The following FER1L5 variants were observed in gnomAD, a reference collection of about 807,000 sequenced individuals.
FER1L5 encodes fer-1-like protein 5.
In FER1L5, 187 loss-of-function variants were observed where a neutral mutation model predicts 279.9. The observed-to-expected ratio is 0.67, with a 90% CI of 0.59 to 0.75. FER1L5 has a LOEUF of 0.75. FER1L5 is among the 30% of genes least tolerant of loss of function. The probability of loss-of-function intolerance (pLI) is 0.00; values close to 1 mark genes in which losing one functional copy is unlikely to be tolerated. For synonymous variants in FER1L5, 921 were observed against 989.7 expected (o/e 0.93, Z 1.30); for missense variants, 2,091 against 2,594.4 (o/e 0.81, Z 4.21).
At chr2:96,678,519 G>C (rs1386306564) in intron 19 of FER1L5, among the ~76,000 whole-genome samples, 1 of 151,920 alleles carries the variant, frequency 6.6e-6, no homozygotes, top group East Asian at 1.9e-4. Flanking sequence ...ATGGCAACCT[G>C]TGCTTCCAGG....
chr2:96,677,230 G>A (rs1336574806), intron 19 of FER1L5, among the ~76,000 whole-genome samples: 1 of 152,204 alleles, frequency 6.6e-6, no homozygotes, highest in Non-Finnish European at 1.5e-5. Flanking sequence ...TATTTTGTTA[G>A]TAATCTATTT....
intron 18 of FER1L5, among the ~76,000 whole-genome samples, chr2:96,671,594 C>A (rs1032544550): frequency 6.6e-6 from 1 of 152,188 alleles, no homozygotes; most frequent in Non-Finnish European, 1.5e-5. Context: ...GCTCTGGAGC[C>A]TACTAGACAC....
Position 96,689,773 on chromosome 2 carries a change from A to C in FER1L5, c.2640+15A>C. 6.5e-7 allele frequency: 1 copy of C among 1,537,054 alleles called. No individual in the cohort carries two copies. The highest frequency in any genetic ancestry group is 8.8e-7 in the Non-Finnish European group (1 of 1,140,530). On this transcript the variant is annotated intron_variant, in intron 26 of 52. Transcript: ENST00000624922. This position sits in a 1 kb window ranked among gnomAD's most constrained non-coding sequence, Gnocchi z 4.6. ...ACACAGACGTGGTGAGCAGGGCCGA[A>C]GCTGCCTCGGGTTAGGGGGCAAGCA...
intron 39 of FER1L5, 64 bp downstream of exon 39, chr2:96,697,825 G>A: frequency 6.4e-7 from 1 of 1,573,920 alleles, no homozygotes; most frequent in Non-Finnish European, 8.7e-7. Flanking sequence ...AGCAGAGCTA[G>A]CCTTGATTCC....
intron 45 of FER1L5, among the ~76,000 whole-genome samples, chr2:96,700,902 C>T (rs1277995680): frequency 2.6e-5 from 4 of 152,236 alleles, no homozygotes; most frequent in Non-Finnish European, 5.9e-5. Flanking sequence ...AATCCCCAAA[C>T]GCACCTAATT....
chr2:96,659,385 C>CTTTCTTTCTTTCT, intron 9 of FER1L5, among the ~76,000 whole-genome samples: 1 of 10,208 alleles, frequency 9.8e-5, no homozygotes, highest in African/African-American at 7.6e-4. Flanking sequence ...TTCTTTCTTT[C>CTTTCTTTCTTTCT]TTTCTTTCTT....
In FER1L5 at chr2:96,698,228, C is replaced by A; in HGVS notation, c.4356+72C>A. The A allele has an allele frequency of 6.6e-7, 1 of 1,503,978 alleles. No individual in the cohort carries two copies. The highest frequency in any genetic ancestry group is 8.9e-7 in the Non-Finnish European group (1 of 1,121,036). 93.2% of individuals were successfully genotyped at this position (1,503,978 alleles called of 1,614,324 possible). A position where few individuals can be genotyped will look rare whatever the true frequency, so the allele number is the denominator to read the frequency against. ...TCTGTCCCTGGAAAACGAATAAAAG[C>A]CCTGGCTCTATATGCTCATTGTGAA... On this transcript the variant is annotated intron_variant, in intron 40 of 52. Transcript: ENST00000624922. This position sits in a 1 kb window ranked among gnomAD's most constrained non-coding sequence, Gnocchi z 5.5.
chr2:96,662,170 G>C (rs563210347), intron 12 of FER1L5, 45 bp from the exon 13 acceptor site: 2 of 1,545,166 alleles, frequency 1.3e-6, no homozygotes, highest in East Asian at 2.4e-5. Flanking sequence ...TCCTCCTCCT[G>C]AAAAATGCTG....
intron 19 of FER1L5, among the ~76,000 whole-genome samples, chr2:96,674,316 G>A (rs1288642176): frequency 2.6e-5 from 4 of 152,044 alleles, no homozygotes; most frequent in South Asian, 2.1e-4. Context: ...TCCGCCTCCC[G>A]GGTTCAAGCG....
At chr2:96,659,416 T>TCCTTC (rs1193138247) in intron 9 of FER1L5, among the ~76,000 whole-genome samples, 27 of 6,882 alleles carry the variant, frequency 3.9e-3, no homozygotes, top group Non-Finnish European at 5.8e-3. Context: ...TTTCTTTCTT[T>TCCTTC]CTTTCTTTCT....
At position 96,647,044 on chromosome 2, in the gene FER1L5, C is replaced by A; in HGVS notation, c.139-20C>A. The A allele has an allele frequency of 6.4e-7, 1 of 1,550,650 alleles. No homozygotes were observed. Among genetic ancestry groups the A allele is most frequent in the Non-Finnish European group, 8.7e-7 (1 of 1,146,234 alleles). On this transcript the variant is annotated intron_variant, in intron 2 of 52. Coordinates refer to ENST00000624922, the MANE Select transcript of FER1L5 (RefSeq NM_001293083.2). ...GGGAAGGGCAGAGGGAGGATGCTGA[C>A]CTCTCTATGCCCCCCACAGACCCTA... is the stretch of plus-strand genomic sequence containing the variant.
intron 1 of FER1L5, among the ~76,000 whole-genome samples, chr2:96,645,601 G>A (rs1260249956): frequency 6.6e-6 from 1 of 152,102 alleles, no homozygotes; most frequent in African/African-American, 2.4e-5. Context: ...CAGCCTGGGT[G>A]ACATGGTAAA....
intron 10 of FER1L5, 94 bp downstream of exon 10, chr2:96,660,465 GTGGAGGGGAGTATTAGA>G: frequency 9.5e-7 from 1 of 1,054,170 alleles, no homozygotes; most frequent in Non-Finnish European, 1.4e-6. Context: ...CAACACATGG[GTGGAGGGGAGTATTAGA>G]GATTGTAAAT....
chr2:96,668,542 C>A (rs1179602451), intron 14 of FER1L5, among the ~76,000 whole-genome samples: 2 of 152,052 alleles, frequency 1.3e-5, no homozygotes, highest in Admixed American at 1.3e-4. Flanking sequence ...TGAAACAAAA[C>A]AAAGCAAACC....
At chr2:96,700,183 C>T (rs998277083) in intron 44 of FER1L5, 103 bp downstream of exon 44, 35 of 1,556,758 alleles carry the variant, frequency 2.2e-5, no homozygotes, top group Middle Eastern at 3.4e-4. Context: ...AAGGGGAGGA[C>T]AAGGAAAGAG....
intron 26 of FER1L5, 39 bp from the exon 27 acceptor site, chr2:96,690,448 C>T (rs1241343604): frequency 6.5e-7 from 1 of 1,535,972 alleles, no homozygotes; most frequent in African/African-American, 1.4e-5. Flanking sequence ...CTCCTCCCAG[C>T]TCATGTGCCC....
At position 96,695,760 on chromosome 2, in the gene FER1L5, G is replaced by T. The variant is rs2077351588; in HGVS notation, c.3913G>T (p.Ala1305Ser). 1 of 1,612,752 alleles carries T rather than the reference G, an allele frequency of 6.2e-7. No individual in the cohort carries two copies. Among genetic ancestry groups the T allele is most frequent in the Non-Finnish European group, 8.5e-7 (1 of 1,179,422 alleles). Residue 1305 changes from alanine to serine, a missense_variant, in exon 36 of 53, where the codon GCC (alanine) becomes TCC (serine). By Grantham distance (99) the Ala-to-Ser change is moderately conservative. Transcript: ENST00000624922. ...VLTVLMPTEEAYALPLVVKVV... is the reference protein window; with the variant it reads ...VLTVLMPTEESYALPLVVKVV... ...ATTGCAGCTCATGCCGACGGAGGAG[G>T]CCTATGCACTGCCCCTCGTGGTGAA...
intron 9 of FER1L5, among the ~76,000 whole-genome samples, chr2:96,659,353 C>A (rs201233467): frequency 1.4e-5 from 1 of 71,054 alleles, no homozygotes; most frequent in African/African-American, 5.5e-5. Context: ...TTCCTTCCTT[C>A]CTTCCTTCCT....
At position 96,653,807 on chromosome 2, in the gene FER1L5, G is replaced by C. The variant is rs538242798; in HGVS notation, c.696+105G>C. Reference sequence around the variant, plus strand: ...CACCCTTAGAGCCAGGGGCACTTCAGATTGTCTTCCTGATCCCCACCACTT... The same window carrying C: ...CACCCTTAGAGCCAGGGGCACTTCACATTGTCTTCCTGATCCCCACCACTT... On this transcript the variant is annotated intron_variant, in intron 8 of 52. Coordinates refer to ENST00000624922, the MANE Select transcript of FER1L5 (RefSeq NM_001293083.2). The C allele has an allele frequency of 1.6e-5, 13 of 796,042 alleles. No individual in the cohort carries two copies. In the East Asian group the frequency reaches 3.6e-4, roughly 22 times the overall value. 49.3% of individuals were successfully genotyped at this position (796,042 alleles called of 1,614,324 possible). A position where few individuals can be genotyped will look rare whatever the true frequency, so the allele number is the denominator to read the frequency against.
Sources: gnomAD v4.1 joint callset for allele counts (sites outside exome capture counted in the v4.1 genomes callset) on GRCh38, gnomAD v4.1.1 for gene constraint, Gnocchi (gnomAD v3.1) non-coding constraint, MANE v1.5 for transcripts, NCBI Gene and HGNC (gene_info 2026-07-23, HGNC 2026-07-21) for gene names.